The following GTPBP8 variants were observed in gnomAD, a reference collection of about 807,000 sequenced individuals.
GTPBP8 encodes the protein GTP-binding protein 8.
Under a neutral mutation model 27.3 loss-of-function variants are expected in GTPBP8, and 21 were observed. The observed-to-expected ratio is 0.77, with a 90% confidence interval of 0.55 to 1.11. The LOEUF is 1.11. GTPBP8 is among the 50% of genes least tolerant of loss of function. The pLI is 0.00. For missense variants in GTPBP8, 380 were observed against 350.8 expected (o/e 1.08, Z -0.67); for synonymous variants, 147 against 135.3 (o/e 1.09, Z -0.60).
intron 4 of GTPBP8, 113 bp from the exon 5 acceptor site, chr3:112,999,331 TAC>T: frequency 1.9e-6 from 1 of 518,650 alleles, no homozygotes. Context: ...AGGAAATAGG[TAC>T]AGAGATAAAT....
Position 113,001,675 on chromosome 3 carries a change from T to A in GTPBP8, c.*756T>A, listed in dbSNP as rs1933916982. ...ACAGGTAGATTTATTACAAGAAATG[T>A]CCTTTCATGGGGGAAGTAACATTTT... On this transcript the variant is annotated 3_prime_UTR_variant, in exon 6 of 6. Transcript: ENST00000383678. 2 of 152,192 alleles carry A rather than the reference T, an allele frequency of 1.3e-5. No individual in the cohort carries two copies. The highest frequency in any genetic ancestry group is 4.8e-5 in the African/African-American group (2 of 41,448). 9.4% of individuals were successfully genotyped at this position (152,192 alleles called of 1,614,324 possible).
chr3:112,997,354 A>G (rs539581776), intron 4 of GTPBP8, among the ~76,000 whole-genome samples: 17 of 152,370 alleles, frequency 1.1e-4, no homozygotes, highest in African/African-American at 4.1e-4. Context: ...TACTTATAAG[A>G]ATGTGAATAA....
At chr3:112,996,328 T>C (rs1476123270) in intron 3 of GTPBP8, among the ~76,000 whole-genome samples, 1 of 151,448 alleles carries the variant, frequency 6.6e-6, no homozygotes, top group East Asian at 1.9e-4. Flanking sequence ...CAGCCAGGCA[T>C]GGTGGCACAT....
At chr3:113,000,811 G>C in intron 5 of GTPBP8, 39 bp from the exon 6 acceptor site, 1 of 1,272,066 alleles carries the variant, frequency 7.9e-7, no homozygotes, top group Non-Finnish European at 1.1e-6. Flanking sequence ...TGTTATATCT[G>C]AGGAAAGGAA....
intron 5 of GTPBP8, among the ~76,000 whole-genome samples, chr3:113,000,345 G>A (rs1459820451): frequency 6.6e-6 from 1 of 152,106 alleles, no homozygotes; most frequent in African/African-American, 2.4e-5. Context: ...CAGCCTGGGC[G>A]ACAGAGTGAG....
chr3:113,000,827 T>C, intron 5 of GTPBP8, 23 bp from the exon 6 acceptor site: 1 of 1,463,560 alleles, frequency 6.8e-7, no homozygotes, highest in Non-Finnish European at 9.5e-7. Context: ...AGGAAGAAAA[T>C]TATTTCTCTT....
At chr3:112,996,410 G>A (rs996580438) in intron 3 of GTPBP8, among the ~76,000 whole-genome samples, 44 of 152,064 alleles carry the variant, frequency 2.9e-4, no homozygotes, top group African/African-American at 9.9e-4. Flanking sequence ...AGGTTAGTGA[G>A]CCAAGATTGT....
In GTPBP8 at chr3:112,991,326, G is replaced by T. The variant is rs779731303; in HGVS notation, c.327G>T (p.Pro109=). The T allele has an allele frequency of 6.2e-7, 1 of 1,613,404 alleles. No homozygotes were observed. The highest frequency in any genetic ancestry group is 8.5e-7 in the Non-Finnish European group (1 of 1,179,962). The change falls in exon 1 of 6, where the codon CCG becomes CCT. Residue 109 remains proline, a synonymous_variant. Transcript: ENST00000383678. ...AVRIDHAPDL[P]RPEVCFIGRS... ...GTATCGACCACGCCCCGGACCTTCC[G>T]CGGCCAGAGGTGAGAGGCGATTCTC...
chr3:112,996,933 T>C lies in GTPBP8; in HGVS notation c.608T>C (p.Ile203Thr). 1 of 1,583,284 alleles carries C rather than the reference T, an allele frequency of 6.3e-7. No homozygotes were observed. Among genetic ancestry groups the C allele is most frequent in the Non-Finnish European group, 8.7e-7 (1 of 1,153,178 alleles). ...TFLLVDSVVG[I>T]QKTDNIAIEM... ...TTATTAGTGGATAGCGTTGTTGGAA[T>C]TCAAAAAACAGACAATATTGCCATA... Residue 203 changes from isoleucine to threonine, a missense_variant, in exon 4 of 6, where the codon ATT becomes ACT. Transcript: ENST00000383678.
In GTPBP8 at chr3:113,001,829, T is replaced by C. The variant is rs997809502; in HGVS notation, c.*910T>C. ...AGATTCAGAATGGAAAAATAAAGCC[T>C]TTGAACTAAAGTTAATAGAGAAGAT... On this transcript the variant is annotated 3_prime_UTR_variant, in exon 6 of 6. Coordinates refer to ENST00000383678, the MANE Select transcript of GTPBP8 (RefSeq NM_014170.4). 1 of 152,190 alleles carries C rather than the reference T, an allele frequency of 6.6e-6. No individual in the cohort carries two copies. The highest frequency in any genetic ancestry group is 1.5e-5 in the Non-Finnish European group (1 of 68,014). 9.4% of individuals were successfully genotyped at this position (152,190 alleles called of 1,614,324 possible). A position where few individuals can be genotyped will look rare whatever the true frequency, so the allele number is the denominator to read the frequency against.
In GTPBP8 at chr3:112,993,050, G is replaced by T. The variant is rs770378287; in HGVS notation, c.361G>T (p.Val121Phe). 6.2e-7 allele frequency: 1 copy of T among 1,609,202 alleles called. No individual in the cohort carries two copies. Among genetic ancestry groups the T allele is most frequent in the Non-Finnish European group, 8.5e-7 (1 of 1,175,942 alleles). ...GGTGTGTTTTATAGGCAGAAGCAATGTTGGAAAATCATCTCTAATCAAGGC... is the reference window on the plus strand; with the variant it reads ...GGTGTGTTTTATAGGCAGAAGCAATTTTGGAAAATCATCTCTAATCAAGGC... ...PEVCFIGRSN[V>F]GKSSLIKALF... Residue 121 changes from valine (V) to phenylalanine (F), a missense_variant, in exon 2 of 6, where the codon GTT becomes TTT. Transcript: ENST00000383678.
chr3:112,991,172 T>A lies in GTPBP8; in HGVS notation c.173T>A (p.Leu58His). ...LYPLQEVERFLAPYGRQDLHL... is the reference protein window; with the variant it reads ...LYPLQEVERFHAPYGRQDLHL... ...CCGCTGCAGGAAGTAGAGCGGTTCC[T>A]CGCCCCCTACGGGAGGCAAGACCTT... The change falls in exon 1 of 6, where the codon CTC (leucine) becomes CAC (histidine). Residue 58 changes from leucine (L) to histidine (H), a missense_variant. Physicochemically the swap from Leu to His is moderately conservative, Grantham distance 99. Coordinates refer to ENST00000383678, the MANE Select transcript of GTPBP8 (RefSeq NM_014170.4). The A allele has an allele frequency of 6.2e-7, 1 of 1,614,154 alleles. No individual in the cohort carries two copies. The highest frequency in any genetic ancestry group is 1.3e-5 in the African/African-American group (1 of 75,060).
Position 112,991,288 on chromosome 3 carries a change from A to G in GTPBP8, c.289A>G (p.Ser97Gly), listed in dbSNP as rs1195381780. The G allele has an allele frequency of 1.2e-6, 2 of 1,613,302 alleles. No individual in the cohort carries two copies. The highest frequency in any genetic ancestry group is 1.1e-5 in the South Asian group (1 of 91,082). The change falls in exon 1 of 6, where the codon AGC (serine) becomes GGC (glycine). Residue 97 changes from serine (S) to glycine (G), a missense_variant. Coordinates refer to ENST00000383678, the MANE Select transcript of GTPBP8 (RefSeq NM_014170.4). ...TGAACGGAACCGCATCGACTACGTC[A>G]GCTCCGCCGTCCGTATCGACCACGC... ...ATERNRIDYV[S>G]SAVRIDHAPD...
Position 112,991,129 on chromosome 3 carries a change from C to G in GTPBP8, c.130C>G (p.Leu44Val). ...GGTGCTGCGGCTGCCGAAGCAGCAGCTGAGGAAGCTGCTGTACCCGCTGCA... is the reference window on the plus strand; with the variant it reads ...GGTGCTGCGGCTGCCGAAGCAGCAGGTGAGGAAGCTGCTGTACCCGCTGCA... ...AEVLRLPKQQ[L>V]RKLLYPLQEV... is the part of the protein sequence containing the mutation. The change falls in exon 1 of 6, where the codon CTG becomes GTG. Residue 44 changes from leucine (L) to valine (V), a missense_variant. Physicochemically the swap from Leu to Val is conservative, Grantham distance 32 (BLOSUM62 1). Coordinates refer to ENST00000383678, the MANE Select transcript of GTPBP8 (RefSeq NM_014170.4). 1 of 1,613,842 alleles carries G rather than the reference C, an allele frequency of 6.2e-7. No homozygotes were observed. Among genetic ancestry groups the G allele is most frequent in the Non-Finnish European group, 8.5e-7 (1 of 1,180,026 alleles).
chr3:113,000,712 GAAGA>G (rs1431540227), intron 5 of GTPBP8, 134 bp from the exon 6 acceptor site: 10 of 519,886 alleles, frequency 1.9e-5, no homozygotes, highest in Non-Finnish European at 3.4e-5. Context: ...TGGGGGAAGA[GAAGA>G]AAGCTAGAAC....
chr3:113,001,235 T>C lies in GTPBP8; in HGVS notation c.*316T>C. 5.3e-6 allele frequency: 1 copy of C among 189,542 alleles called. No homozygotes were observed. The highest frequency in any genetic ancestry group is 1.1e-5 in the Non-Finnish European group (1 of 93,068). The allele number at this position is 189,542 out of a possible 1,614,324, so 11.7% of individuals were successfully genotyped here. A position where few individuals can be genotyped will look rare whatever the true frequency, so the allele number is the denominator to read the frequency against. On this transcript the variant is annotated 3_prime_UTR_variant, in exon 6 of 6. Coordinates refer to ENST00000383678, the MANE Select transcript of GTPBP8 (RefSeq NM_014170.4). ...ATGTACAGAAGGGTTTGACGTTTTATTGGGCTTTTGTCTTTTAAAGAATAT... is the reference window on the plus strand; with the variant it reads ...ATGTACAGAAGGGTTTGACGTTTTACTGGGCTTTTGTCTTTTAAAGAATAT...
rs1933896958 is a variant in GTPBP8, at chr3:113,001,039, G to A, written c.*120G>A. The A allele has an allele frequency of 1.6e-6, 1 of 611,104 alleles. No individual in the cohort carries two copies. The highest frequency in any genetic ancestry group is 2.1e-5 in the South Asian group (1 of 46,988). 37.9% of individuals were successfully genotyped at this position (611,104 alleles called of 1,614,324 possible). ...TGTTGTGCATCTGTAACTTCAGGAG[G>A]ATCACTTGAGCTTTAAAACCTGTGC... On this transcript the variant is annotated 3_prime_UTR_variant, in exon 6 of 6. Transcript: ENST00000383678.
At chr3:112,999,763 T>G (rs762313509) in intron 5 of GTPBP8, among the ~76,000 whole-genome samples, 199 bp downstream of exon 5, 13 of 152,112 alleles carry the variant, frequency 8.5e-5, no homozygotes, top group Non-Finnish European at 1.8e-4. Flanking sequence ...CTTTTTTCGC[T>G]CACCCCTCCC....
At chr3:112,996,224 C>T (rs769980234) in intron 3 of GTPBP8, among the ~76,000 whole-genome samples, 9 of 151,808 alleles carry the variant, frequency 5.9e-5, no homozygotes, top group Non-Finnish European at 8.8e-5. Flanking sequence ...TTTGGGAGGC[C>T]GAGGTCGGCG....
Sources: allele counts gnomAD v4.1 joint callset (sites outside exome capture counted in the v4.1 genomes callset), GRCh38; gene constraint gnomAD v4.1.1; transcripts MANE v1.5; gene names NCBI Gene and HGNC (gene_info 2026-07-23, HGNC 2026-07-21).